CADM2: variants seen among roughly 807,000 people sequenced by gnomAD.
The protein encoded by CADM2 is cell adhesion molecule 2.
CADM2 carries 12 observed loss-of-function variants against 49.8 expected under a neutral mutation model. That is an observed-to-expected ratio of 0.24 (90% CI 0.15 to 0.39). CADM2 has a LOEUF of 0.39. Ranked by LOEUF, CADM2 falls within the 10% of genes least tolerant of loss-of-function variation. The probability of loss-of-function intolerance (pLI) is 1.00; values close to 1 mark genes in which losing one functional copy is unlikely to be tolerated. For synonymous variants in CADM2, 214 were observed against 175.4 expected, an observed-to-expected ratio of 1.22 and a Z score of -1.74; for missense variants, 378 against 492.3, an observed-to-expected ratio of 0.77 and a Z score of 2.20.
intron 3 of CADM2, among the ~76,000 whole-genome samples, chr3:85,835,199 T>C (rs1435851703): frequency 2.0e-5 from 3 of 151,592 alleles, no homozygotes; most frequent in African/African-American, 7.3e-5. Flanking sequence ...CTTTCCTTTT[T>C]CCTCACATAC....
chr3:85,067,870 TGG>T (rs2036581523), intron 1 of CADM2, among the ~76,000 whole-genome samples: 1 of 152,184 alleles, frequency 6.6e-6, no homozygotes, highest in Non-Finnish European at 1.5e-5. Flanking sequence ...AAAATATATT[TGG>T]GTCACCTTTG....
At chr3:85,369,685 T>C (rs2033056290) in intron 1 of CADM2, among the ~76,000 whole-genome samples, 1 of 152,168 alleles carries the variant, frequency 6.6e-6, no homozygotes, top group Non-Finnish European at 1.5e-5. Context: ...TTTGTTCAAC[T>C]AAAAGTTTTT....
intron 1 of CADM2, among the ~76,000 whole-genome samples, chr3:85,154,223 C>A (rs1043796535): frequency 6.6e-6 from 1 of 152,006 alleles, no homozygotes; most frequent in South Asian, 2.1e-4. Flanking sequence ...ACTAGAATAA[C>A]CAATATAGAG....
chr3:85,497,305 C>A (rs1159722573), intron 1 of CADM2, among the ~76,000 whole-genome samples: 1 of 152,078 alleles, frequency 6.6e-6, no homozygotes, highest in Non-Finnish European at 1.5e-5. Flanking sequence ...AGAATACTGA[C>A]CCTCACTCTT....
intron 1 of CADM2, among the ~76,000 whole-genome samples, chr3:84,980,550 C>A (rs1231994541): frequency 6.6e-6 from 1 of 151,960 alleles, no homozygotes; most frequent in Non-Finnish European, 1.5e-5. Flanking sequence ...AAATTCCTGG[C>A]AAGATAATAA....
chr3:86,060,251 CTATA>C (rs1738469345), intron 8 of CADM2, among the ~76,000 whole-genome samples: 1 of 151,578 alleles, frequency 6.6e-6, no homozygotes, highest in African/African-American at 2.4e-5. Context: ...AGAAAATGGC[CTATA>C]TATATAATCT....
chr3:85,326,908 A>C (rs866411900), intron 1 of CADM2, among the ~76,000 whole-genome samples: 5 of 152,326 alleles, frequency 3.3e-5, no homozygotes, highest in Middle Eastern at 6.8e-3. Context: ...AGTATAGAAT[A>C]ATTAATGACT....
chr3:85,569,846 CTG>C (rs1414156352), intron 1 of CADM2, among the ~76,000 whole-genome samples: 3 of 152,022 alleles, frequency 2.0e-5, no homozygotes, highest in Non-Finnish European at 4.4e-5. Context: ...GAAGGAATTG[CTG>C]TGTGTCTTAT....
intron 1 of CADM2, among the ~76,000 whole-genome samples, chr3:85,556,670 G>A (rs1576796188): frequency 1.3e-5 from 2 of 152,170 alleles, no homozygotes; most frequent in Non-Finnish European, 2.9e-5. Context: ...GCAGAGAAAC[G>A]ATTTATTTCA....
chr3:85,763,636 T>G (rs1286795364), intron 2 of CADM2, among the ~76,000 whole-genome samples: 1 of 152,166 alleles, frequency 6.6e-6, no homozygotes, highest in South Asian at 2.1e-4. Flanking sequence ...GCACAACTCC[T>G]CCTTGGTCTT....
At chr3:85,489,743 C>A (rs1480897956) in intron 1 of CADM2, among the ~76,000 whole-genome samples, 1 of 144,810 alleles carries the variant, frequency 6.9e-6, no homozygotes, top group Non-Finnish European at 1.5e-5. Flanking sequence ...AATTATTTAA[C>A]GTGTGTGTGT....
chr3:85,426,939 G>A (rs1461561408), intron 1 of CADM2, among the ~76,000 whole-genome samples: 3 of 151,498 alleles, frequency 2.0e-5, no homozygotes, highest in Non-Finnish European at 4.4e-5. Flanking sequence ...GGTGTGCAAT[G>A]GTGTGATCTT....
At chr3:85,402,105 T>C (rs1266836689) in intron 1 of CADM2, among the ~76,000 whole-genome samples, 1 of 152,110 alleles carries the variant, frequency 6.6e-6, no homozygotes, top group Admixed American at 6.6e-5. Context: ...TATCATGTTT[T>C]CATTTAAATA....
chr3:85,539,067 A>G (rs961796377), intron 1 of CADM2, among the ~76,000 whole-genome samples: 13 of 152,018 alleles, frequency 8.6e-5, no homozygotes, highest in African/African-American at 3.1e-4. Context: ...TCTATGATGG[A>G]TTCACAAACA....
chr3:85,857,232 G>C (rs1282197123), intron 3 of CADM2, among the ~76,000 whole-genome samples: 1 of 152,056 alleles, frequency 6.6e-6, no homozygotes, highest in Non-Finnish European at 1.5e-5. Context: ...ACATTAGGAG[G>C]CTGGGATTTC....
chr3:85,066,018 T>C (rs980857335), intron 1 of CADM2, among the ~76,000 whole-genome samples: 3 of 152,094 alleles, frequency 2.0e-5, no homozygotes, highest in Non-Finnish European at 4.4e-5. Context: ...AGCGTGGATA[T>C]GTGGATGAGA....
At chr3:85,451,392 C>T (rs183754733) in intron 1 of CADM2, among the ~76,000 whole-genome samples, 1,687 of 152,020 alleles carry the variant, frequency 0.011, 14 homozygotes, top group Non-Finnish European at 0.018. Context: ...TTTAAATGAC[C>T]TTTTCGTAAC....
At chr3:85,889,724 A>G (rs777196432) in intron 5 of CADM2, among the ~76,000 whole-genome samples, 10 of 152,138 alleles carry the variant, frequency 6.6e-5, no homozygotes, top group Admixed American at 6.5e-5. Context: ...TTATCATTGT[A>G]ATTTGTATTT....
At chr3:85,724,060 A>T (rs189034930) in intron 1 of CADM2, among the ~76,000 whole-genome samples, 318 of 152,162 alleles carry the variant, frequency 2.1e-3, no homozygotes, top group African/African-American at 6.8e-3. Flanking sequence ...ATAAAAAAGG[A>T]AAATAATTTT....
Sources: gnomAD v4.1 joint callset for allele counts (sites outside exome capture counted in the v4.1 genomes callset) on GRCh38, gnomAD v4.1.1 for gene constraint, MANE v1.5 for transcripts, NCBI Gene and HGNC (gene_info 2026-07-23, HGNC 2026-07-21) for gene names.